Variants in AGTPBP1 observed in about 807,000 individuals in gnomAD.
AGTPBP1 encodes cytosolic carboxypeptidase 1.
In AGTPBP1, 70 loss-of-function variants were observed where a neutral mutation model predicts 143.9. The observed-to-expected ratio is 0.49, with a 90% CI of 0.40 to 0.59. AGTPBP1 has a LOEUF of 0.59. Among genes scored for constraint, AGTPBP1 ranks in the 20% least tolerant of loss-of-function variants. The probability of loss-of-function intolerance (pLI) is 0.00; values close to 1 mark genes in which losing one functional copy is unlikely to be tolerated. For missense variants in AGTPBP1, 1,229 were observed against 1,464.5 expected (o/e 0.84, Z 2.62); for synonymous variants, 463 against 500.2 (o/e 0.93, Z 0.99).
chr9:85,569,136 C>A (rs1050123623), intron 25 of AGTPBP1, among the ~76,000 whole-genome samples: 51 of 152,132 alleles, frequency 3.4e-4, no homozygotes, highest in African/African-American at 1.2e-3. Context: ...TGTTTCCCCC[C>A]TCAACAAATA....
intron 17 of AGTPBP1, among the ~76,000 whole-genome samples, chr9:85,613,238 A>C (rs1830422989): frequency 6.6e-6 from 1 of 152,034 alleles, no homozygotes. Context: ...TGAAACTTAA[A>C]TACTTTGATC....
intron 25 of AGTPBP1, among the ~76,000 whole-genome samples, chr9:85,574,333 C>A (rs888594351): frequency 6.6e-6 from 1 of 152,088 alleles, no homozygotes; most frequent in South Asian, 2.1e-4. Flanking sequence ...ACAAACACTG[C>A]GGAGGGCCGC....
chr9:85,568,597 T>C (rs988763424), intron 25 of AGTPBP1, among the ~76,000 whole-genome samples: 1 of 152,088 alleles, frequency 6.6e-6, no homozygotes, highest in East Asian at 1.9e-4. Context: ...GACTAGTGCA[T>C]GCAAAGAAGC....
intron 1 of AGTPBP1, among the ~76,000 whole-genome samples, chr9:85,724,901 A>C (rs1399863865): frequency 6.6e-6 from 1 of 152,228 alleles, no homozygotes; most frequent in Admixed American, 6.5e-5. Context: ...AAATTTTACT[A>C]CACAAACAAG....
chr9:85,789,053 T>C, the AGTPBP1 span, among the ~76,000 whole-genome samples: 1 of 151,918 alleles, frequency 6.6e-6, no homozygotes, highest in African/African-American at 2.4e-5. Flanking sequence ...AACTCACTAA[T>C]AAAGCAAGAA....
At chr9:85,696,487 G>A (rs1836251099) in intron 2 of AGTPBP1, among the ~76,000 whole-genome samples, 1 of 152,014 alleles carries the variant, frequency 6.6e-6, no homozygotes, top group Admixed American at 6.6e-5. Flanking sequence ...GGTCAACACG[G>A]TGAAACCCCA....
chr9:85,639,367 G>GCGCGCA lies in AGTPBP1; in HGVS notation c.1302+3459_1302+3460insTGCGCG, dbSNP rs1554713133. Among the ~76,000 whole-genome samples, 18 of 147,332 alleles carry GCGCGCA rather than the reference G, an allele frequency of 1.2e-4. No individual in the cohort carries two copies. In the East Asian group the frequency reaches 2.0e-3, roughly 16 times the overall value. ...TACACACACCCATGCGCGCGCACGC[G>GCGCGCA]CACACACACACACACACACACACAC... On this transcript the variant is annotated intron_variant, in intron 13 of 25. Coordinates refer to ENST00000357081, the MANE Select transcript of AGTPBP1 (RefSeq NM_001330701.2).
At chr9:85,663,611 G>C (rs1833964204) in intron 8 of AGTPBP1, among the ~76,000 whole-genome samples, 2 of 148,344 alleles carry the variant, frequency 1.3e-5, no homozygotes, top group Admixed American at 6.8e-5. Context: ...GACCCATAAT[G>C]ATGGGGGAAA....
At chr9:85,772,389 C>A in the AGTPBP1 span, among the ~76,000 whole-genome samples, 357 of 152,180 alleles carry the variant, frequency 2.3e-3, 1 homozygote, top group Middle Eastern at 0.01. Flanking sequence ...TTAACAAGTT[C>A]TGTGATATAG....
At chr9:85,566,286 G>A (rs1457967962) in intron 25 of AGTPBP1, among the ~76,000 whole-genome samples, 3 of 152,146 alleles carry the variant, frequency 2.0e-5, no homozygotes, top group East Asian at 1.9e-4. Flanking sequence ...TTGGGAGGCC[G>A]AGATGGGAAG....
chr9:85,639,342 TACAC>T (rs1312633497), intron 13 of AGTPBP1, among the ~76,000 whole-genome samples: 2 of 141,518 alleles, frequency 1.4e-5, no homozygotes, highest in East Asian at 4.2e-4. Context: ...CATGCATACA[TACAC>T]ACACCCATGC....
At chr9:85,629,006 C>T (rs1024550521) in intron 14 of AGTPBP1, among the ~76,000 whole-genome samples, 8 of 152,178 alleles carry the variant, frequency 5.3e-5, no homozygotes, top group African/African-American at 1.7e-4. Flanking sequence ...TGAGCCACCA[C>T]GCCCAGCCAA....
chr9:85,775,379 A>G, the AGTPBP1 span, among the ~76,000 whole-genome samples: 2 of 151,472 alleles, frequency 1.3e-5, no homozygotes, highest in East Asian at 1.9e-4. Context: ...GGCTGGGTGC[A>G]GCGGCTCATG....
chr9:85,546,919 G>A lies in AGTPBP1; in HGVS notation c.*190C>T, dbSNP rs141421425. The A allele has an allele frequency of 8.2e-4, 393 of 481,476 alleles. 2 individuals carry two copies. In the East Asian group the frequency reaches 0.013, roughly 16 times the overall value. 29.8% of individuals were successfully genotyped at this position (481,476 alleles called of 1,614,324 possible). A position where few individuals can be genotyped will look rare whatever the true frequency, so the allele number is the denominator to read the frequency against. Reference sequence around the variant, plus strand: ...TGCTACATAAAGTGCATTGAATATCGAAAATAAAACAAGCGCCAATTTTAT... The same window carrying A: ...TGCTACATAAAGTGCATTGAATATCAAAAATAAAACAAGCGCCAATTTTAT... On this transcript the variant is annotated 3_prime_UTR_variant, in exon 26 of 26. Transcript: ENST00000357081.
intron 2 of AGTPBP1, among the ~76,000 whole-genome samples, chr9:85,702,750 G>A (rs1044463984): frequency 2.6e-5 from 4 of 151,694 alleles, no homozygotes; most frequent in African/African-American, 4.8e-5. Flanking sequence ...ATAAAAAGAT[G>A]GGAGGTGAAG....
At chr9:85,644,073 A>G (rs973480958) in intron 12 of AGTPBP1, among the ~76,000 whole-genome samples, 1 of 152,216 alleles carries the variant, frequency 6.6e-6, no homozygotes, top group African/African-American at 2.4e-5. Context: ...TTAAAAGAAA[A>G]AAACATATTA....
intron 8 of AGTPBP1, among the ~76,000 whole-genome samples, chr9:85,664,254 C>A (rs1217002259): frequency 6.6e-6 from 1 of 152,086 alleles, no homozygotes; most frequent in Non-Finnish European, 1.5e-5. Context: ...TAGTTTTTCA[C>A]AGGTTTAGCC....
chr9:85,733,448 C>T (rs1839020802), intron 1 of AGTPBP1, among the ~76,000 whole-genome samples: 2 of 151,982 alleles, frequency 1.3e-5, no homozygotes, highest in South Asian at 4.1e-4. Context: ...CATGACATAC[C>T]AAAACTTACA....
the AGTPBP1 span, among the ~76,000 whole-genome samples, chr9:85,763,445 G>C: frequency 6.6e-6 from 1 of 151,934 alleles, no homozygotes; most frequent in African/African-American, 2.4e-5. Context: ...AAATGAAAAA[G>C]TGTTGAGGAA....
Sources: allele counts gnomAD v4.1 joint callset (sites outside exome capture counted in the v4.1 genomes callset), GRCh38; gene constraint gnomAD v4.1.1; transcripts MANE v1.5; gene names NCBI Gene and HGNC (gene_info 2026-07-23, HGNC 2026-07-21).